Variants in LRRC4C observed in about 807,000 individuals in gnomAD.
LRRC4C encodes leucine-rich repeat-containing protein 4C.
A neutral mutation model predicts 33.6 loss-of-function variants in LRRC4C; 5 were observed. The ratio of observed to expected loss-of-function variants is 0.15; its 90% CI spans 0.08 to 0.31. The LOEUF (loss-of-function observed/expected upper bound fraction) is 0.31, where lower values mean the gene tolerates loss of function less well. Ranked by LOEUF, LRRC4C falls within the 10% of genes least tolerant of loss-of-function variation. The pLI is 1.00. For missense variants in LRRC4C, 560 were observed against 796.7 expected (o/e 0.70, Z 3.58); for synonymous variants, 329 against 302.0 (o/e 1.09, Z -0.93).
chr11:41,013,271 C>T (rs11036191), intron 1 of LRRC4C, among the ~76,000 whole-genome samples: 108,164 of 152,050 alleles, frequency 0.71, 38,855 homozygotes, highest in South Asian at 0.79. Flanking sequence ...GTATCCACTG[C>T]TTTTAACCTG....
intron 1 of LRRC4C, among the ~76,000 whole-genome samples, chr11:40,958,307 G>A (rs1959050505): frequency 6.6e-6 from 1 of 151,716 alleles, no homozygotes; most frequent in Admixed American, 6.6e-5. Flanking sequence ...GTAAAATAGG[G>A]ATGATGACAA....
chr11:41,040,036 G>A (rs1333027465), intron 1 of LRRC4C, among the ~76,000 whole-genome samples: 1 of 151,546 alleles, frequency 6.6e-6, no homozygotes, highest in East Asian at 1.9e-4. Flanking sequence ...TACTCGGGAG[G>A]CTGAGGCAGG....
At chr11:40,496,621 G>A (rs999771088) in intron 3 of LRRC4C, among the ~76,000 whole-genome samples, 2 of 152,046 alleles carry the variant, frequency 1.3e-5, no homozygotes, top group Non-Finnish European at 2.9e-5. Flanking sequence ...CCAATTTATG[G>A]TTGTCAATCA....
intron 3 of LRRC4C, among the ~76,000 whole-genome samples, chr11:40,611,981 T>C (rs925284469): frequency 6.6e-6 from 1 of 151,790 alleles, no homozygotes; most frequent in Non-Finnish European, 1.5e-5. Flanking sequence ...ACAGTCTGGG[T>C]CTTCCTCAAA....
chr11:41,190,439 C>T (rs1190990803), intron 1 of LRRC4C, among the ~76,000 whole-genome samples: 3 of 152,226 alleles, frequency 2.0e-5, no homozygotes, highest in Non-Finnish European at 4.4e-5. Flanking sequence ...TAGAAAACAT[C>T]TCTCGGGCAG....
chr11:40,759,286 C>T (rs1949087514), intron 2 of LRRC4C, among the ~76,000 whole-genome samples: 1 of 147,216 alleles, frequency 6.8e-6, no homozygotes, highest in Admixed American at 6.9e-5. Context: ...ATACATCTTC[C>T]ATATATATGT....
At chr11:40,946,895 A>T (rs1592156852) in intron 1 of LRRC4C, among the ~76,000 whole-genome samples, 1 of 152,158 alleles carries the variant, frequency 6.6e-6, no homozygotes, top group Admixed American at 6.6e-5. Flanking sequence ...AAATTCAAAA[A>T]AATTTAAATC....
intron 2 of LRRC4C, among the ~76,000 whole-genome samples, chr11:40,810,520 C>T (rs188164462): frequency 1.3e-5 from 2 of 152,240 alleles, no homozygotes; most frequent in Admixed American, 1.3e-4. Context: ...TGAGGTTAGA[C>T]TCATTTTTAA....
intron 2 of LRRC4C, among the ~76,000 whole-genome samples, chr11:40,770,789 ATCTTAAAGT>A (rs1949720522): frequency 6.6e-6 from 1 of 152,196 alleles, no homozygotes; most frequent in Admixed American, 6.5e-5. Flanking sequence ...TGGTCATTCA[ATCTTAAAGT>A]TCCAAACTGA....
At chr11:41,170,234 C>A (rs1333821771) in intron 1 of LRRC4C, among the ~76,000 whole-genome samples, 1 of 152,120 alleles carries the variant, frequency 6.6e-6, no homozygotes, top group African/African-American at 2.4e-5. Context: ...AGACTTTCTT[C>A]ACAGAATTGG....
chr11:40,438,436 C>A (rs115785324), intron 3 of LRRC4C, among the ~76,000 whole-genome samples: 45 of 152,296 alleles, frequency 3.0e-4, no homozygotes, highest in African/African-American at 8.9e-4. Context: ...TCTAAATTTA[C>A]TCGTATGTTC....
At chr11:40,359,306 C>G (rs1046351905) in intron 3 of LRRC4C, among the ~76,000 whole-genome samples, 5 of 152,162 alleles carry the variant, frequency 3.3e-5, no homozygotes, top group Non-Finnish European at 5.9e-5. Context: ...CTCTGGGGAA[C>G]AGATCCAGGT....
chr11:40,359,179 G>C (rs1947829315), intron 3 of LRRC4C, among the ~76,000 whole-genome samples: 1 of 152,170 alleles, frequency 6.6e-6, no homozygotes, highest in Admixed American at 6.5e-5. Context: ...AAAAGAAGTT[G>C]AGATACATGT....
At chr11:40,725,348 A>T (rs1200487980) in intron 2 of LRRC4C, among the ~76,000 whole-genome samples, 1 of 152,092 alleles carries the variant, frequency 6.6e-6, no homozygotes, top group African/African-American at 2.4e-5. Context: ...CTACTAAAAA[A>T]TAAAAAAATA....
intron 1 of LRRC4C, among the ~76,000 whole-genome samples, chr11:41,144,089 C>T (rs111804089): frequency 4.6e-5 from 7 of 152,284 alleles, no homozygotes; most frequent in African/African-American, 1.7e-4. Context: ...TGCTCTATCA[C>T]CTCACCCATT....
intron 3 of LRRC4C, among the ~76,000 whole-genome samples, chr11:40,560,162 A>G (rs544620530): frequency 3.9e-5 from 6 of 152,304 alleles, no homozygotes; most frequent in African/African-American, 1.4e-4. Flanking sequence ...AGGTGTCTAT[A>G]AACACTTGCT....
At chr11:40,747,007 T>C (rs1325506460) in intron 2 of LRRC4C, among the ~76,000 whole-genome samples, 1 of 152,202 alleles carries the variant, frequency 6.6e-6, no homozygotes, top group Non-Finnish European at 1.5e-5. Context: ...GTGGCTATTA[T>C]TGGCATCTGA....
chr11:40,664,364 G>A (rs1943604242), intron 2 of LRRC4C, among the ~76,000 whole-genome samples: 1 of 152,082 alleles, frequency 6.6e-6, no homozygotes, highest in African/African-American at 2.4e-5. Flanking sequence ...GGCCAACATG[G>A]CAAAACTTCA....
chr11:40,950,297 T>C lies in LRRC4C; in HGVS notation c.-495-16574A>G, dbSNP rs527819773. 5.9e-5 allele frequency among the ~76,000 whole-genome samples: 9 copies of C among 152,220 alleles called. No individual in the cohort carries two copies. In the East Asian group the frequency reaches 1.7e-3, roughly 29 times the overall value. ...GAGCACCTACCATGTTCTAGGAAACTGGCAACATGAAGGAAAAATGATAGA... is the reference window on the plus strand; with the variant it reads ...GAGCACCTACCATGTTCTAGGAAACCGGCAACATGAAGGAAAAATGATAGA... On this transcript the variant is annotated intron_variant, in intron 1 of 6. Coordinates refer to ENST00000528697, the MANE Select transcript of LRRC4C (RefSeq NM_001258419.2).
Sources: gnomAD v4.1 joint callset for allele counts (sites outside exome capture counted in the v4.1 genomes callset) on GRCh38, gnomAD v4.1.1 for gene constraint, MANE v1.5 for transcripts, NCBI Gene and HGNC (gene_info 2026-07-23, HGNC 2026-07-21) for gene names.